SYNDIG1: variants seen among roughly 807,000 people sequenced by gnomAD.
The protein encoded by SYNDIG1 is synapse differentiation inducing 1.
A neutral mutation model predicts 19.4 loss-of-function variants in SYNDIG1; 9 were observed. That is an observed-to-expected ratio of 0.46 (90% CI 0.28 to 0.81). The LOEUF (loss-of-function observed/expected upper bound fraction) is 0.81, where lower values mean the gene tolerates loss of function less well. SYNDIG1 is among the 30% of genes least tolerant of loss of function. The pLI is 0.12. For missense variants in SYNDIG1, 311 were observed against 343.3 expected, an observed-to-expected ratio of 0.91 and a Z score of 0.74; for synonymous variants, 141 against 145.9, an observed-to-expected ratio of 0.97 and a Z score of 0.24.
chr20:24,542,085 G>A (rs138266223), intron 1 of SYNDIG1, among the ~76,000 whole-genome samples: 94 of 152,318 alleles, frequency 6.2e-4, no homozygotes, highest in South Asian at 1.9e-3. Context: ...ATCGAAGGAT[G>A]CGGAAATGAC....
intron 1 of SYNDIG1, among the ~76,000 whole-genome samples, chr20:24,537,979 A>T (rs1399919792): frequency 1.3e-5 from 2 of 152,090 alleles, no homozygotes; most frequent in African/African-American, 4.8e-5. Context: ...TATCCAGATG[A>T]TTTTAAACAA....
chr20:24,564,921 G>A (rs143591265), intron 2 of SYNDIG1, among the ~76,000 whole-genome samples: 26 of 152,294 alleles, frequency 1.7e-4, no homozygotes, highest in Middle Eastern at 3.4e-3. Context: ...AATGAAGCCC[G>A]CATTGTGCCC....
intron 1 of SYNDIG1, among the ~76,000 whole-genome samples, chr20:24,471,315 G>C (rs557669030): frequency 3.2e-4 from 49 of 152,258 alleles, no homozygotes; most frequent in African/African-American, 1.2e-3. Flanking sequence ...GGGGCAGTCT[G>C]ATGTCCGTTC....
intron 2 of SYNDIG1, among the ~76,000 whole-genome samples, chr20:24,560,942 G>A (rs2057933702): frequency 2.0e-5 from 3 of 149,830 alleles, no homozygotes; most frequent in Admixed American, 1.3e-4. Flanking sequence ...TGGACTAAAT[G>A]TGCAGAATCT....
chr20:24,595,564 T>C (rs866394357), intron 3 of SYNDIG1, among the ~76,000 whole-genome samples: 2 of 152,194 alleles, frequency 1.3e-5, no homozygotes, highest in Non-Finnish European at 2.9e-5. Context: ...ATAGTTTCAG[T>C]AGGAATCGTA....
intron 3 of SYNDIG1, among the ~76,000 whole-genome samples, chr20:24,634,115 C>G (rs2059288712): frequency 6.6e-6 from 1 of 152,214 alleles, no homozygotes; most frequent in African/African-American, 2.4e-5. Flanking sequence ...GCCCCTTTCT[C>G]AAAGCCCCTC....
chr20:24,617,358 A>C (rs1191650227), intron 3 of SYNDIG1, among the ~76,000 whole-genome samples: 1 of 152,132 alleles, frequency 6.6e-6, no homozygotes, highest in East Asian at 1.9e-4. Context: ...CTCCGCACCC[A>C]GCTGACTGAG....
At chr20:24,603,276 C>G (rs1477206946) in intron 3 of SYNDIG1, among the ~76,000 whole-genome samples, 2 of 152,080 alleles carry the variant, frequency 1.3e-5, no homozygotes, top group Non-Finnish European at 2.9e-5. Flanking sequence ...AGGATCAAAC[C>G]ATGCTGCCAA....
intron 3 of SYNDIG1, among the ~76,000 whole-genome samples, chr20:24,593,562 A>C (rs926706383): frequency 2.0e-5 from 3 of 152,160 alleles, no homozygotes; most frequent in Non-Finnish European, 2.9e-5. Flanking sequence ...CCAGTGATGG[A>C]ATTGCTGAGT....
intron 2 of SYNDIG1, among the ~76,000 whole-genome samples, chr20:24,577,053 A>G (rs757595801): frequency 6.6e-6 from 1 of 152,194 alleles, no homozygotes; most frequent in Non-Finnish European, 1.5e-5. Context: ...AGGAAAAACT[A>G]AAAGTATGAC....
intron 1 of SYNDIG1, among the ~76,000 whole-genome samples, chr20:24,536,559 CG>C (rs1261120246): frequency 2.4e-4 from 37 of 152,250 alleles, no homozygotes; most frequent in African/African-American, 8.9e-4. Context: ...TGTTAGAAAC[CG>C]GGTGTGCCCT....
At chr20:24,605,604 C>T (rs868756445) in intron 3 of SYNDIG1, among the ~76,000 whole-genome samples, 59 of 152,322 alleles carry the variant, frequency 3.9e-4, no homozygotes, top group African/African-American at 1.4e-3. Flanking sequence ...GGAATCCATG[C>T]TGCAGTTAGT....
At chr20:24,617,550 TCTC>T (rs1358472236) in intron 3 of SYNDIG1, among the ~76,000 whole-genome samples, 18 of 152,024 alleles carry the variant, frequency 1.2e-4, no homozygotes, top group African/African-American at 4.1e-4. Flanking sequence ...TTTGTCAGAG[TCTC>T]CTCCTTCTGC....
chr20:24,654,688 G>GGAAGGAAGGAAA (rs1412517127), intron 3 of SYNDIG1, among the ~76,000 whole-genome samples: 20 of 150,760 alleles, frequency 1.3e-4, no homozygotes, highest in Non-Finnish European at 2.7e-4. Flanking sequence ...AAGGAAGGAA[G>GGAAGGAAGGAAA]GAAGGAAGGA....
intron 3 of SYNDIG1, among the ~76,000 whole-genome samples, chr20:24,597,353 C>T (rs944699944): frequency 6.6e-6 from 1 of 152,144 alleles, no homozygotes. Flanking sequence ...AGTTTGTTTC[C>T]CCCTTGGCTG....
At chr20:24,475,693 C>T (rs2055599793) in intron 1 of SYNDIG1, among the ~76,000 whole-genome samples, 1 of 152,198 alleles carries the variant, frequency 6.6e-6, no homozygotes, top group Admixed American at 6.5e-5. Flanking sequence ...GGACCCTGCA[C>T]AGGGCAGTCC....
intron 1 of SYNDIG1, among the ~76,000 whole-genome samples, chr20:24,514,743 A>G (rs1417623528): frequency 6.6e-6 from 1 of 152,218 alleles, no homozygotes; most frequent in Non-Finnish European, 1.5e-5. Context: ...AAGGATATCC[A>G]GGAATTGAAC....
chr20:24,613,431 A>G (rs1320856893), intron 3 of SYNDIG1, among the ~76,000 whole-genome samples: 1 of 152,104 alleles, frequency 6.6e-6, no homozygotes, highest in African/African-American at 2.4e-5. Context: ...CTGGCCTCAC[A>G]ATCAGCTTTC....
intron 3 of SYNDIG1, among the ~76,000 whole-genome samples, chr20:24,626,037 G>T (rs1367168877): frequency 6.7e-6 from 1 of 149,804 alleles, no homozygotes; most frequent in East Asian, 2.0e-4. Context: ...TGGCCAGGTG[G>T]GGGGCTGACT....
Sources: gnomAD v4.1 joint callset for allele counts (sites outside exome capture counted in the v4.1 genomes callset) on GRCh38, gnomAD v4.1.1 for gene constraint, MANE v1.5 for transcripts, NCBI Gene and HGNC (gene_info 2026-07-23, HGNC 2026-07-21) for gene names.